ABR: variants seen among roughly 807,000 people sequenced by gnomAD.
ABR encodes active breakpoint cluster region-related protein.
ABR carries 35 observed loss-of-function variants against 107.2 expected under a neutral mutation model. The observed-to-expected ratio is 0.33, with a 90% CI of 0.25 to 0.43. ABR has a LOEUF of 0.43. Among genes scored for constraint, ABR ranks in the 20% least tolerant of loss-of-function variants. The pLI, the probability that ABR is intolerant of heterozygous loss-of-function variation, is 1.00. For synonymous variants in ABR, 498 were observed against 462.0 expected (o/e 1.08, Z -1.00); for missense variants, 815 against 1,115.2 (o/e 0.73, Z 3.83).
chr17:1,159,918 G>A (rs902686322), intron 1 of ABR, among the ~76,000 whole-genome samples: 1 of 152,240 alleles, frequency 6.6e-6, no homozygotes, highest in African/African-American at 2.4e-5. Flanking sequence ...GCCCCTCCAG[G>A]GCCTGATCTC....
chr17:1,125,065 G>C (rs1197623140), intron 2 of ABR, 118 bp downstream of exon 2: 1 of 1,076,326 alleles, frequency 9.3e-7, no homozygotes, highest in Non-Finnish European at 1.3e-6. Context: ...AGAACGGCCA[G>C]GTCCAAACGT....
intron 12 of ABR, chr17:1,057,734 A>G (rs1037333942): frequency 1.0e-5 from 5 of 498,284 alleles, no homozygotes; most frequent in Non-Finnish European, 1.8e-5. Context: ...AGAGAGAGAA[A>G]GCCCAGGCTG....
At chr17:1,058,328 C>CA (rs2033577497) in intron 11 of ABR, among the ~76,000 whole-genome samples, 1 of 152,102 alleles carries the variant, frequency 6.6e-6, no homozygotes, top group African/African-American at 2.4e-5. Context: ...TTAGTAGAGA[C>CA]AGAGTTTTGC....
chr17:1,170,241 A>G (rs1362154815), intron 1 of ABR, among the ~76,000 whole-genome samples: 2 of 152,100 alleles, frequency 1.3e-5, no homozygotes, highest in Non-Finnish European at 2.9e-5. Flanking sequence ...AGTCTTCACA[A>G]CTGTCTTTCT....
intron 21 of ABR, among the ~76,000 whole-genome samples, chr17:1,007,643 C>T (rs1367960884): frequency 6.6e-6 from 1 of 152,244 alleles, no homozygotes; most frequent in Non-Finnish European, 1.5e-5. Context: ...CCTGGAACAA[C>T]TCACACTCGC....
chr17:1,061,381 C>T (rs9891653), intron 10 of ABR, among the ~76,000 whole-genome samples: 104,324 of 152,062 alleles, frequency 0.69, 36,105 homozygotes, highest in East Asian at 0.85. Context: ...GGCAGATGTA[C>T]CACCAGTTGG....
In ABR at chr17:1,226,537, C is replaced by T. The variant is rs530723160; in HGVS notation, c.838+2256G>A. Among the ~76,000 whole-genome samples the T allele has an allele frequency of 6.0e-4, 89 of 149,046 alleles. 1 individual carries two copies. Among genetic ancestry groups the T allele is most frequent in the Middle Eastern group, 3.7e-3 (1 of 270 alleles). On this transcript the variant is annotated intron_variant, in intron 1 of 22. Coordinates refer to the ABR transcript ENST00000574139. ...TGCATGCATGTATGTGACAGTGTGC[C>T]ATGTACATACGTGTGCAGGTGTGCA... is the stretch of plus-strand genomic sequence containing the variant.
intron 12 of ABR, among the ~76,000 whole-genome samples, chr17:1,057,588 G>A (rs2033462764): frequency 6.6e-6 from 1 of 151,578 alleles, no homozygotes; most frequent in African/African-American, 2.4e-5. Context: ...ACGTTGCCCA[G>A]GCTGATCTCA....
At chr17:1,221,548 T>G (rs575652274) in intron 1 of ABR, among the ~76,000 whole-genome samples, 45 of 152,212 alleles carry the variant, frequency 3.0e-4, no homozygotes, top group Admixed American at 5.9e-4. Flanking sequence ...GCCTCTATCT[T>G]GTTTAAGCTA....
At chr17:1,180,478 C>G (rs1415121810), upstream of ABR, among the ~76,000 whole-genome samples, 2 of 152,128 alleles carry the variant, frequency 1.3e-5, no homozygotes, top group Non-Finnish European at 2.9e-5. Context: ...GACCTCTGAG[C>G]GCGGCCGTTC....
chr17:1,082,498 GAGC>G (rs574015836), intron 5 of ABR, among the ~76,000 whole-genome samples: 1 of 151,346 alleles, frequency 6.6e-6, no homozygotes, highest in Admixed American at 6.6e-5. Flanking sequence ...TGGGCCTCAG[GAGC>G]AGAAGCACGC....
chr17:1,169,818 G>C (rs971939703), intron 1 of ABR, among the ~76,000 whole-genome samples: 6 of 152,134 alleles, frequency 3.9e-5, no homozygotes, highest in Non-Finnish European at 8.8e-5. Context: ...GATTTTAAAA[G>C]GCTGGAGAGC....
intron 1 of ABR, among the ~76,000 whole-genome samples, chr17:1,208,593 A>C (rs1013709148): frequency 2.6e-5 from 4 of 152,330 alleles, no homozygotes; most frequent in African/African-American, 9.6e-5. Context: ...GGAGAGGTTC[A>C]AGAGGGAGCT....
At chr17:1,112,950 G>A (rs1307482717) in intron 2 of ABR, among the ~76,000 whole-genome samples, 1 of 151,130 alleles carries the variant, frequency 6.6e-6, no homozygotes, top group African/African-American at 2.4e-5. Context: ...GCAAGCATTT[G>A]TTAACCACCT....
intron 2 of ABR, among the ~76,000 whole-genome samples, chr17:1,105,870 GAAA>G (rs34646182): frequency 6.9e-6 from 1 of 144,710 alleles, no homozygotes; most frequent in Admixed American, 6.9e-5. Context: ...TGTCTCAAAA[GAAA>G]AAAAAAAATG....
intron 2 of ABR, chr17:1,108,806 G>GCCGGGA (rs1469854831): frequency 1.0e-4 from 59 of 580,218 alleles, no homozygotes; most frequent in Non-Finnish European, 1.4e-4. Context: ...AGCTGCCGGG[G>GCCGGGA]CCGGGACCCT....
chr17:1,093,110 CG>C (rs1567740424), intron 3 of ABR, among the ~76,000 whole-genome samples: 5 of 151,678 alleles, frequency 3.3e-5, no homozygotes, highest in Non-Finnish European at 7.4e-5. Flanking sequence ...CGTGAGCCAC[CG>C]CGCCCGGCCA....
chr17:1,047,938 GGCT>G (rs1280304424), intron 16 of ABR, among the ~76,000 whole-genome samples: 1 of 152,218 alleles, frequency 6.6e-6, no homozygotes, highest in African/African-American at 2.4e-5. Flanking sequence ...CCACGGGGCT[GGCT>G]GCCCGGCACA....
In ABR at chr17:1,168,131, A is replaced by G. The variant is rs143498735; in HGVS notation, c.61+11536T>C. Among the ~76,000 whole-genome samples, 818 of 152,092 alleles carry G rather than the reference A, an allele frequency of 5.4e-3. 8 individuals are homozygous for G. The highest frequency in any genetic ancestry group is 0.019 in the African/African-American group (772 of 41,470). ...GAGAAATCCCGTCTCTACTAAAAAT[A>G]CAAAATTAGCCGGGCATGGTGGCGC... On this transcript the variant is annotated intron_variant, in intron 1 of 22. Transcript: ENST00000302538.
Sources: allele counts gnomAD v4.1 joint callset (sites outside exome capture counted in the v4.1 genomes callset), GRCh38; gene constraint gnomAD v4.1.1; transcripts MANE v1.5; gene names NCBI Gene and HGNC (gene_info 2026-07-23, HGNC 2026-07-21).